Variants in VAPA observed in about 807,000 individuals in gnomAD.
The protein encoded by VAPA is vesicle-associated membrane protein-associated protein A.
VAPA carries 6 observed loss-of-function variants against 25.6 expected under a neutral mutation model. The ratio of observed to expected loss-of-function variants is 0.23; its 90% CI spans 0.13 to 0.46. VAPA has a LOEUF of 0.46. VAPA is among the 20% of genes least tolerant of loss of function. The pLI is 0.99. For synonymous variants in VAPA, 112 were observed against 106.2 expected, an observed-to-expected ratio of 1.05 and a Z score of -0.34; for missense variants, 244 against 302.1, an observed-to-expected ratio of 0.81 and a Z score of 1.43.
At chr18:9,919,226 A>G (rs986906066) in intron 1 of VAPA, among the ~76,000 whole-genome samples, 1 of 152,188 alleles carries the variant, frequency 6.6e-6, no homozygotes, top group Non-Finnish European at 1.5e-5. Context: ...CACACCAGAA[A>G]CAATATGCAT....
intron 4 of VAPA, among the ~76,000 whole-genome samples, chr18:9,942,558 TACCTGAGACTGG>T (rs1246278720): frequency 6.6e-6 from 1 of 152,128 alleles, no homozygotes; most frequent in Non-Finnish European, 1.5e-5. Context: ...TATAAAGAAA[TACCTGAGACTGG>T]GTAATTTATA....
chr18:9,939,154 T>G (rs1043534133), intron 4 of VAPA, among the ~76,000 whole-genome samples: 1 of 151,724 alleles, frequency 6.6e-6, no homozygotes, highest in Non-Finnish European at 1.5e-5. Context: ...TAGATGAAAA[T>G]AAAGTCCAAA....
intron 3 of VAPA, 107 bp downstream of exon 3, chr18:9,936,320 G>C (rs1317237744): frequency 2.9e-6 from 2 of 679,500 alleles, no homozygotes; most frequent in Non-Finnish European, 2.3e-6. Flanking sequence ...GTTAAATTTA[G>C]GTTTTTAAAA....
intron 3 of VAPA, 49 bp from the exon 4 acceptor site, chr18:9,936,937 A>T (rs756315512): frequency 6.4e-5 from 99 of 1,555,818 alleles, no homozygotes; most frequent in Middle Eastern, 3.3e-4. Context: ...AAACTTACTT[A>T]CCATGATCAT....
chr18:9,932,412 A>G (rs774461614), intron 2 of VAPA, among the ~76,000 whole-genome samples: 1 of 152,138 alleles, frequency 6.6e-6, no homozygotes, highest in Non-Finnish European at 1.5e-5. Context: ...TATGCCTTTC[A>G]TTGTAAATGT....
chr18:9,926,155 T>C (rs1048396996), intron 1 of VAPA, among the ~76,000 whole-genome samples: 17 of 152,198 alleles, frequency 1.1e-4, no homozygotes, highest in African/African-American at 4.1e-4. Flanking sequence ...CAATAAACGC[T>C]AGCTGTTCCG....
In VAPA at chr18:9,958,727, C is replaced by G. The variant is rs2069576716; in HGVS notation, c.*4516C>G. 1 of 151,994 alleles carries G rather than the reference C, an allele frequency of 6.6e-6. No homozygotes were observed. The highest frequency in any genetic ancestry group is 2.1e-4 in the South Asian group (1 of 4,826). The allele number at this position is 151,994 out of a possible 1,614,324, so 9.4% of individuals were successfully genotyped here. The stretch of plus-strand genomic sequence containing the variant: ...AGGGGAACTTAAAATACTTATTTTT[C>G]TTTAAACTGCAGGAGTCACTGTTAG... On this transcript the variant is annotated 3_prime_UTR_variant, in exon 6 of 6. Coordinates refer to ENST00000400000, the MANE Select transcript of VAPA (RefSeq NM_194434.3).
At chr18:9,936,957 G>C in intron 3 of VAPA, 29 bp from the exon 4 acceptor site, 1 of 1,592,728 alleles carries the variant, frequency 6.3e-7, no homozygotes, top group Non-Finnish European at 8.6e-7. Context: ...TACCTCCTAT[G>C]TCTCATGTTT....
At position 9,959,460 on chromosome 18, in the gene VAPA, A is replaced by C. The variant is rs1040408749; in HGVS notation, c.*5249A>C. 2.6e-5 allele frequency: 4 copies of C among 152,138 alleles called. No homozygotes were observed. Among genetic ancestry groups the C allele is most frequent in the Non-Finnish European group, 2.9e-5 (2 of 68,000 alleles). 9.4% of individuals were successfully genotyped at this position (152,138 alleles called of 1,614,324 possible). On this transcript the variant is annotated 3_prime_UTR_variant, in exon 6 of 6. Coordinates refer to ENST00000400000, the MANE Select transcript of VAPA (RefSeq NM_194434.3). ...AAGAGTGTGTGTTACTCTAAGAAGA[A>C]GGCTATAGAATTTATGGAAATGGCT...
chr18:9,943,421 CCCTAGT>C (rs1207365393), intron 4 of VAPA, among the ~76,000 whole-genome samples: 1 of 152,124 alleles, frequency 6.6e-6, no homozygotes, highest in Admixed American at 6.5e-5. Context: ...TGTGTCATTA[CCCTAGT>C]CCTCGGGATC....
At chr18:9,918,522 A>T (rs555508884) in intron 1 of VAPA, among the ~76,000 whole-genome samples, 11 of 151,376 alleles carry the variant, frequency 7.3e-5, no homozygotes, top group Non-Finnish European at 1.6e-4. Context: ...CAGTTTCTCT[A>T]AAAAAAACCC....
In VAPA at chr18:9,914,301, G is replaced by C; in HGVS notation, c.45G>C (p.Leu15=). The change falls in exon 1 of 6, where the codon CTG becomes CTC. Residue 15 remains leucine, a synonymous_variant. Transcript: ENST00000400000. The part of the protein sequence containing the change: ...SGAMAKHEQI[L]VLDPPTDLKF... Reference sequence around the variant, plus strand: ...CCATGGCGAAGCACGAGCAGATCCTGGTCCTCGATCCGCCCACAGACCTCA... The same window carrying C: ...CCATGGCGAAGCACGAGCAGATCCTCGTCCTCGATCCGCCCACAGACCTCA... The C allele has an allele frequency of 6.3e-7, 1 of 1,590,268 alleles. No individual in the cohort carries two copies. The highest frequency in any genetic ancestry group is 1.1e-5 in the South Asian group (1 of 89,196).
At position 9,959,151 on chromosome 18, in the gene VAPA, C is replaced by G. The variant is rs904037949; in HGVS notation, c.*4940C>G. ...GCTGAAGTAGCAGAGAAAGTGGGATCTAGATGGTCTGATCCTAGTGATCTA... is the reference window on the plus strand; with the variant it reads ...GCTGAAGTAGCAGAGAAAGTGGGATGTAGATGGTCTGATCCTAGTGATCTA... On this transcript the variant is annotated 3_prime_UTR_variant, in exon 6 of 6. Coordinates refer to ENST00000400000, the MANE Select transcript of VAPA (RefSeq NM_194434.3). 6.6e-6 allele frequency: 1 copy of G among 152,120 alleles called. No individual in the cohort carries two copies. Among genetic ancestry groups the G allele is most frequent in the Non-Finnish European group, 1.5e-5 (1 of 68,010 alleles). 9.4% of individuals were successfully genotyped at this position (152,120 alleles called of 1,614,324 possible). A position where few individuals can be genotyped will look rare whatever the true frequency, so the allele number is the denominator to read the frequency against.
At chr18:9,947,350 A>G (rs894085023) in intron 4 of VAPA, among the ~76,000 whole-genome samples, 10 of 152,204 alleles carry the variant, frequency 6.6e-5, no homozygotes, top group Non-Finnish European at 1.5e-4. Flanking sequence ...CATCACCACA[A>G]ACGTGAATAA....
chr18:9,955,780 C>T lies in VAPA; in HGVS notation c.*1569C>T, dbSNP rs1396007944. On this transcript the variant is annotated 3_prime_UTR_variant, in exon 6 of 6. Coordinates refer to ENST00000400000, the MANE Select transcript of VAPA (RefSeq NM_194434.3). The stretch of plus-strand genomic sequence containing the variant: ...CGCTGTGGTATCTTTTATAAAACCT[C>T]TTGCTTGTGTGCAAAAGTTCCTAAA... The T allele has an allele frequency of 2.0e-5, 3 of 152,188 alleles. No individual in the cohort carries two copies. Among genetic ancestry groups the T allele is most frequent in the Non-Finnish European group, 4.4e-5 (3 of 68,032 alleles). The allele number at this position is 152,188 out of a possible 1,614,324, so 9.4% of individuals were successfully genotyped here. A position where few individuals can be genotyped will look rare whatever the true frequency, so the allele number is the denominator to read the frequency against.
chr18:9,926,169 GTAGA>G (rs1467453575), intron 1 of VAPA, among the ~76,000 whole-genome samples: 2 of 152,132 alleles, frequency 1.3e-5, no homozygotes, highest in African/African-American at 2.4e-5. Flanking sequence ...TGTTCCGTTA[GTAGA>G]TATTCTGTGT....
intron 4 of VAPA, among the ~76,000 whole-genome samples, chr18:9,942,189 T>A (rs1421639141): frequency 6.6e-6 from 1 of 152,220 alleles, no homozygotes; most frequent in Non-Finnish European, 1.5e-5. Flanking sequence ...ATTTTTTGTT[T>A]TAATATATGC....
At chr18:9,934,279 TTTCAAGA>T (rs1184186640) in intron 2 of VAPA, among the ~76,000 whole-genome samples, 1 of 152,214 alleles carries the variant, frequency 6.6e-6, no homozygotes, top group Non-Finnish European at 1.5e-5. Flanking sequence ...TTATATATGT[TTTCAAGA>T]TCGTCTTTGT....
intron 1 of VAPA, among the ~76,000 whole-genome samples, chr18:9,915,247 GGTTTCCGACAGATCCTGAGAA>G (rs2143264772): frequency 6.6e-6 from 1 of 152,294 alleles, no homozygotes; most frequent in South Asian, 2.1e-4. Flanking sequence ...TTACGTTTGC[GGTTTCCGACAGATCCTGAGAA>G]GGCTGATAAG....
Sources: allele counts gnomAD v4.1 joint callset (sites outside exome capture counted in the v4.1 genomes callset), GRCh38; gene constraint gnomAD v4.1.1; transcripts MANE v1.5; gene names NCBI Gene and HGNC (gene_info 2026-07-23, HGNC 2026-07-21).